SLC7A11: variants seen among roughly 807,000 people sequenced by gnomAD.
SLC7A11 encodes cystine/glutamate transporter.
SLC7A11 carries 35 observed loss-of-function variants against 54.5 expected under a neutral mutation model. The ratio of observed to expected loss-of-function variants is 0.64; its 90% CI spans 0.49 to 0.85. The LOEUF (loss-of-function observed/expected upper bound fraction) is 0.85. Among genes scored for constraint, SLC7A11 ranks in the 40% least tolerant of loss-of-function variants. SLC7A11 has a pLI of 0.00. For synonymous variants in SLC7A11, 230 were observed against 225.2 expected, an observed-to-expected ratio of 1.02 and a Z score of -0.19; for missense variants, 583 against 618.1, an observed-to-expected ratio of 0.94 and a Z score of 0.60.
Position 138,196,037 on chromosome 4 carries a change from T to C in SLC7A11, c.792-10793A>G, listed in dbSNP as rs140660818. Reference sequence around the variant, plus strand: ...GAAGCAGTGAAGAGAAAGGGGAAGATAGAAAGTTAAGAGGCAGCTTAACAG... The same window carrying C: ...GAAGCAGTGAAGAGAAAGGGGAAGACAGAAAGTTAAGAGGCAGCTTAACAG... On this transcript the variant is annotated intron_variant, in intron 6 of 11. Transcript: ENST00000280612. Among the ~76,000 whole-genome samples the C allele has an allele frequency of 6.9e-3, 1,054 of 152,232 alleles. 10 individuals are homozygous for C. The highest frequency in any genetic ancestry group is 0.037 in the East Asian group (192 of 5,178).
chr4:138,231,268 GCCCAGACT>G (rs1287872665), intron 3 of SLC7A11, among the ~76,000 whole-genome samples: 2 of 152,020 alleles, frequency 1.3e-5, no homozygotes, highest in African/African-American at 4.8e-5. Context: ...TACACTAAAA[GCCCAGACT>G]CCACCACTAC....
chr4:138,185,077 C>A, intron 7 of SLC7A11, 44 bp downstream of exon 7: 2 of 1,608,406 alleles, frequency 1.2e-6, no homozygotes, highest in South Asian at 2.2e-5. Flanking sequence ...TGCATCAGCT[C>A]ATTAACCTAA....
intron 6 of SLC7A11, among the ~76,000 whole-genome samples, chr4:138,213,894 C>G (rs952257759): frequency 6.6e-6 from 1 of 152,104 alleles, no homozygotes. Flanking sequence ...TTATACTATA[C>G]TACAGTTCCT....
chr4:138,210,634 A>G (rs971634554), intron 6 of SLC7A11, among the ~76,000 whole-genome samples: 4 of 152,170 alleles, frequency 2.6e-5, no homozygotes, highest in Non-Finnish European at 5.9e-5. Flanking sequence ...GCCAGCAAAC[A>G]TATGAAAAAA....
intron 2 of SLC7A11, among the ~76,000 whole-genome samples, chr4:138,232,643 T>C (rs1258319385): frequency 6.6e-6 from 1 of 152,224 alleles, no homozygotes; most frequent in African/African-American, 2.4e-5. Context: ...TCTCCCATAT[T>C]TGACTTTTCC....
intron 6 of SLC7A11, among the ~76,000 whole-genome samples, chr4:138,188,588 A>G (rs1046342639): frequency 2.0e-5 from 3 of 152,166 alleles, no homozygotes; most frequent in African/African-American, 7.2e-5. Context: ...TCAAAGTGTA[A>G]GAGCCACTGG....
At position 138,189,205 on chromosome 4, in the gene SLC7A11, A is replaced by AT. The variant is rs369070875; in HGVS notation, c.792-3962dup. ...CAGAAATGAAAATGGCCCTATAATG[A>AT]TGGCAGGCAACTTATGTTTGTATAA... On this transcript the variant is annotated intron_variant, in intron 6 of 11. Transcript: ENST00000280612. 2.9e-3 allele frequency among the ~76,000 whole-genome samples: 439 copies of AT among 152,288 alleles called. 3 individuals are homozygous for AT. The highest frequency in any genetic ancestry group is 1.0e-2 in the African/African-American group (414 of 41,580).
chr4:138,172,001 T>C lies in SLC7A11; in HGVS notation c.1461A>G (p.Thr487=). The part of the protein sequence containing the change: ...FRIMSEKITR[T]LQIILEVVPE... ...GTACAACTTCCAGTATTATTTGTAA[T>C]GTTCTGGTTATTTTCTCTACAAAGA... is the stretch of plus-strand genomic sequence containing the variant. The change falls in exon 12 of 12, where the codon ACA becomes ACG. Residue 487 remains threonine (T), a synonymous_variant. Transcript: ENST00000280612. 6.3e-7 allele frequency: 1 copy of C among 1,596,400 alleles called. No individual in the cohort carries two copies. Among genetic ancestry groups the C allele is most frequent in the South Asian group, 1.2e-5 (1 of 86,566 alleles).
intron 11 of SLC7A11, among the ~76,000 whole-genome samples, chr4:138,174,921 A>C (rs991703158): frequency 5.3e-5 from 8 of 152,222 alleles, no homozygotes; most frequent in African/African-American, 1.4e-4. Flanking sequence ...ACCTGGTACC[A>C]ATATGGGAAC....
chr4:138,239,446 C>T (rs1032604317), intron 1 of SLC7A11, among the ~76,000 whole-genome samples: 1 of 151,984 alleles, frequency 6.6e-6, no homozygotes, highest in African/African-American at 2.4e-5. Flanking sequence ...ACAGTTGGTC[C>T]CAAAGTTCTA....
chr4:138,241,628 A>T (rs1738381083), intron 1 of SLC7A11, among the ~76,000 whole-genome samples, 165 bp downstream of exon 1: 1 of 152,216 alleles, frequency 6.6e-6, no homozygotes, highest in Non-Finnish European at 1.5e-5. Flanking sequence ...TCACACCAAC[A>T]GCGGATGCTG....
At chr4:138,219,828 A>G (rs1275311353) in intron 4 of SLC7A11, among the ~76,000 whole-genome samples, 1 of 151,994 alleles carries the variant, frequency 6.6e-6, no homozygotes, top group Non-Finnish European at 1.5e-5. Context: ...TTCCTACACA[A>G]TTTACCTTTC....
chr4:138,183,830 C>T (rs1304915301), intron 7 of SLC7A11, among the ~76,000 whole-genome samples: 1 of 151,886 alleles, frequency 6.6e-6, no homozygotes, highest in Non-Finnish European at 1.5e-5. Context: ...AAATCTTTTT[C>T]CCAGAAAATC....
intron 3 of SLC7A11, among the ~76,000 whole-genome samples, chr4:138,227,190 GTTCTTC>G (rs1451407633): frequency 6.6e-6 from 1 of 152,176 alleles, no homozygotes; most frequent in Non-Finnish European, 1.5e-5. Flanking sequence ...CCAGGGTCAG[GTTCTTC>G]TTGGCTTCTG....
At chr4:138,216,463 G>C (rs1242070933) in intron 5 of SLC7A11, among the ~76,000 whole-genome samples, 1 of 152,098 alleles carries the variant, frequency 6.6e-6, no homozygotes, top group Admixed American at 6.6e-5. Flanking sequence ...GGCCACAAGG[G>C]GGACTGGCAG....
chr4:138,188,305 C>T (rs1367385934), intron 6 of SLC7A11, among the ~76,000 whole-genome samples: 1 of 152,178 alleles, frequency 6.6e-6, no homozygotes, highest in Non-Finnish European at 1.5e-5. Flanking sequence ...TCTAGTGATC[C>T]TCCTGCCTCG....
At chr4:138,183,126 T>A in intron 8 of SLC7A11, 76 bp downstream of exon 8, 1 of 1,044,318 alleles carries the variant, frequency 9.6e-7, no homozygotes. Flanking sequence ...CTATTTCTTT[T>A]CTTTTTAAAG....
At chr4:138,198,580 C>T (rs775194233) in intron 6 of SLC7A11, among the ~76,000 whole-genome samples, 1 of 152,058 alleles carries the variant, frequency 6.6e-6, no homozygotes, top group East Asian at 1.9e-4. Flanking sequence ...TTAGCTATTG[C>T]TATTGGGAGA....
chr4:138,216,298 G>A (rs931683154), intron 5 of SLC7A11, among the ~76,000 whole-genome samples: 1 of 152,100 alleles, frequency 6.6e-6, no homozygotes, highest in Non-Finnish European at 1.5e-5. Flanking sequence ...ATCCCAGCAA[G>A]TGCTTTAGAA....
Sources: gnomAD v4.1 joint callset for allele counts (sites outside exome capture counted in the v4.1 genomes callset) on GRCh38, gnomAD v4.1.1 for gene constraint, MANE v1.5 for transcripts, NCBI Gene and HGNC (gene_info 2026-07-23, HGNC 2026-07-21) for gene names.